The following GADL1 variants were observed in gnomAD, a reference collection of about 807,000 sequenced individuals.
GADL1 encodes the protein acidic amino acid decarboxylase GADL1.
Under a neutral mutation model 69.5 loss-of-function variants are expected in GADL1, and 71 were observed. The observed-to-expected ratio is 1.02, with a 90% confidence interval of 0.84 to 1.25. GADL1 has a LOEUF of 1.25. GADL1 is among the 50% of genes most tolerant of loss of function. The pLI, the probability that GADL1 is intolerant of heterozygous loss-of-function variation, is 0.00. For synonymous variants in GADL1, 254 were observed against 214.4 expected (o/e 1.18, Z -1.62); for missense variants, 737 against 631.8 (o/e 1.17, Z -1.79).
At chr3:30,824,020 C>T (rs1487021825) in intron 11 of GADL1, among the ~76,000 whole-genome samples, 1 of 151,664 alleles carries the variant, frequency 6.6e-6, no homozygotes, top group Non-Finnish European at 1.5e-5. Context: ...ATTTAATTGA[C>T]ATGCCAGAAA....
intron 1 of GADL1, among the ~76,000 whole-genome samples, chr3:30,887,915 A>G (rs1280739008): frequency 1.3e-5 from 2 of 152,198 alleles, no homozygotes; most frequent in African/African-American, 2.4e-5. Context: ...TGGTGTTCAC[A>G]GGGGATTGGT....
In GADL1 at chr3:30,765,451, G is replaced by GA. The variant is rs1466298677; in HGVS notation, c.1392+12727dup. Among the ~76,000 whole-genome samples the GA allele has an allele frequency of 3.0e-5, 4 of 135,286 alleles. No homozygotes were observed. The East Asian group carries it at 8.4e-4, about 28-fold the overall frequency. The allele number at this position is 135,286 out of a possible 152,430, so 88.8% of individuals were successfully genotyped here. A position where few individuals can be genotyped will look rare whatever the true frequency, so the allele number is the denominator to read the frequency against. On this transcript the variant is annotated intron_variant, in intron 14 of 14. Transcript: ENST00000282538. The stretch of plus-strand genomic sequence containing the variant: ...AATGAAGTTCATGCCTTATTTTGCT[G>GA]AATGAATCAATAAATTATTTTCTAT...
intron 14 of GADL1, among the ~76,000 whole-genome samples, chr3:30,776,789 T>C (rs1696550322): frequency 6.6e-6 from 1 of 152,208 alleles, no homozygotes; most frequent in African/African-American, 2.4e-5. Flanking sequence ...AAGGCTCCCA[T>C]GACCCTCCCT....
intron 12 of GADL1, among the ~76,000 whole-genome samples, chr3:30,788,280 G>A (rs903418170): frequency 1.3e-5 from 2 of 152,160 alleles, no homozygotes; most frequent in African/African-American, 4.8e-5. Context: ...TTTGGTTCCA[G>A]AACACTACAA....
intron 1 of GADL1, among the ~76,000 whole-genome samples, chr3:30,889,084 T>TATAAAAAAAAAAA (rs1698748582): frequency 1.2e-4 from 4 of 32,912 alleles, no homozygotes; most frequent in Non-Finnish European, 2.0e-4. Context: ...CGGTAATCTA[T>TATAAAAAAAAAAA]AAAAAAAAAA....
At position 30,726,695 on chromosome 3, in the gene GADL1, T is replaced by C. The variant is rs1020931270; in HGVS notation, c.*1547A>G. On this transcript the variant is annotated 3_prime_UTR_variant, in exon 15 of 15. Transcript: ENST00000282538. The stretch of plus-strand genomic sequence containing the variant: ...AGGTTATTGAATGTGCTAAGTCTAA[T>C]GCTTTAACACTCTTCAATCATTCAC... 7.2e-5 allele frequency: 11 copies of C among 152,196 alleles called. No individual in the cohort carries two copies. The highest frequency in any genetic ancestry group is 2.4e-4 in the African/African-American group (10 of 41,446). The allele number at this position is 152,196 out of a possible 1,614,324, so 9.4% of individuals were successfully genotyped here. A position where few individuals can be genotyped will look rare whatever the true frequency, so the allele number is the denominator to read the frequency against.
chr3:30,733,320 G>C (rs894888807), intron 14 of GADL1, among the ~76,000 whole-genome samples: 20 of 152,176 alleles, frequency 1.3e-4, no homozygotes, highest in African/African-American at 4.3e-4. Context: ...GATTGCTGCT[G>C]TGGCTTTCTT....
intron 11 of GADL1, among the ~76,000 whole-genome samples, chr3:30,808,988 G>GGT (rs1463773274): frequency 6.6e-6 from 1 of 152,154 alleles, no homozygotes; most frequent in Non-Finnish European, 1.5e-5. Flanking sequence ...ACTAAACGGT[G>GGT]GTGGAGAGTG....
intron 11 of GADL1, among the ~76,000 whole-genome samples, chr3:30,802,424 T>G (rs1275669548): frequency 2.0e-5 from 3 of 152,102 alleles, no homozygotes; most frequent in African/African-American, 7.2e-5. Flanking sequence ...TGGATGAGCT[T>G]CTCATTTGGT....
chr3:30,872,660 G>A (rs1353483117), intron 1 of GADL1, among the ~76,000 whole-genome samples: 1 of 151,842 alleles, frequency 6.6e-6, no homozygotes, highest in African/African-American at 2.4e-5. Flanking sequence ...GTATCTCCAA[G>A]TTCTAAGTTT....
chr3:30,733,541 C>G (rs748647578), intron 14 of GADL1, among the ~76,000 whole-genome samples: 6 of 151,812 alleles, frequency 4.0e-5, no homozygotes, highest in Admixed American at 6.6e-5. Context: ...GACTTACATA[C>G]CTCCCTCCCC....
chr3:30,818,595 C>A (rs1177330445), intron 11 of GADL1, among the ~76,000 whole-genome samples: 2 of 150,764 alleles, frequency 1.3e-5, no homozygotes, highest in Non-Finnish European at 2.9e-5. Context: ...ATACAAAATA[C>A]CTCATTAAAT....
At chr3:30,874,885 T>G (rs1473523881) in intron 1 of GADL1, among the ~76,000 whole-genome samples, 1 of 151,960 alleles carries the variant, frequency 6.6e-6, no homozygotes, top group Non-Finnish European at 1.5e-5. Flanking sequence ...AACCCAAAAT[T>G]TAGTAGCTTA....
At chr3:30,818,312 A>G (rs1697510164) in intron 11 of GADL1, among the ~76,000 whole-genome samples, 1 of 152,222 alleles carries the variant, frequency 6.6e-6, no homozygotes, top group Non-Finnish European at 1.5e-5. Flanking sequence ...TATAATTGTT[A>G]GAAGTTTTAA....
At chr3:30,857,485 G>A (rs550811743) in intron 2 of GADL1, among the ~76,000 whole-genome samples, 17 of 151,984 alleles carry the variant, frequency 1.1e-4, no homozygotes, top group South Asian at 8.3e-4. Flanking sequence ...TAAAAAATTC[G>A]GATCCTATGG....
intron 8 of GADL1, among the ~76,000 whole-genome samples, chr3:30,840,795 C>T (rs965986071): frequency 4.6e-5 from 7 of 152,208 alleles, no homozygotes; most frequent in Non-Finnish European, 1.0e-4. Flanking sequence ...AGACTTTCTT[C>T]CCCATATCTC....
rs936628023 is a variant in GADL1, at chr3:30,872,183, T to A, written c.38-10418A>T. Among the ~76,000 whole-genome samples, 6 of 152,024 alleles carry A rather than the reference T, an allele frequency of 3.9e-5. No homozygotes were observed. In the East Asian group the frequency reaches 1.2e-3, roughly 30 times the overall value. On this transcript the variant is annotated intron_variant, in intron 1 of 14. Transcript: ENST00000282538. ...ATGCAATTGGGCTCCATGAAAAAAA[T>A]TTGACTTAACATAGCCATTTAGTAA...
chr3:30,760,332 A>T (rs1696097288), intron 14 of GADL1, among the ~76,000 whole-genome samples: 1 of 152,018 alleles, frequency 6.6e-6, no homozygotes, highest in Non-Finnish European at 1.5e-5. Context: ...GATGTTCCTC[A>T]ATTTTTGCTT....
At chr3:30,762,908 A>G (rs917799553) in intron 14 of GADL1, among the ~76,000 whole-genome samples, 1 of 152,122 alleles carries the variant, frequency 6.6e-6, no homozygotes, top group African/African-American at 2.4e-5. Flanking sequence ...GTTTCAAATG[A>G]CTGGATCTCA....
Sources: gnomAD v4.1 joint callset for allele counts (sites outside exome capture counted in the v4.1 genomes callset) on GRCh38, gnomAD v4.1.1 for gene constraint, MANE v1.5 for transcripts, NCBI Gene and HGNC (gene_info 2026-07-23, HGNC 2026-07-21) for gene names.